Variants in PIK3AP1 observed in about 807,000 individuals in gnomAD.
PIK3AP1 encodes the protein phosphoinositide-3-kinase adaptor protein 1, also known as phosphoinositide 3-kinase adapter protein 1.
In PIK3AP1, 21 loss-of-function variants were observed where a neutral mutation model predicts 88.1. That is an observed-to-expected ratio of 0.24 (90% CI 0.17 to 0.34). The LOEUF (loss-of-function observed/expected upper bound fraction) is 0.34, where lower values mean the gene tolerates loss of function less well. Ranked by LOEUF, PIK3AP1 falls within the 10% of genes least tolerant of loss-of-function variation. The pLI, the probability that PIK3AP1 is intolerant of heterozygous loss-of-function variation, is 1.00. For missense variants in PIK3AP1, 828 were observed against 1,035.7 expected (o/e 0.80, Z 2.75); for synonymous variants, 398 against 400.0 (o/e 1.00, Z 0.06).
At chr10:96,620,801 A>T in intron 11 of PIK3AP1, 1 of 463,188 alleles carries the variant, frequency 2.2e-6, no homozygotes, top group Non-Finnish European at 3.9e-6. Flanking sequence ...AAATCTGCTG[A>T]CTCTCCCAAG....
At chr10:96,697,572 T>A (rs891012074) in intron 2 of PIK3AP1, among the ~76,000 whole-genome samples, 1 of 152,094 alleles carries the variant, frequency 6.6e-6, no homozygotes, top group African/African-American at 2.4e-5. Flanking sequence ...AATAAATTTT[T>A]TTTTTAATTA....
intron 2 of PIK3AP1, among the ~76,000 whole-genome samples, chr10:96,673,956 G>A (rs942491585): frequency 6.6e-6 from 1 of 152,118 alleles, no homozygotes; most frequent in Non-Finnish European, 1.5e-5. Flanking sequence ...GGAACTGGCT[G>A]GTCAGTTTCA....
intron 1 of PIK3AP1, among the ~76,000 whole-genome samples, chr10:96,717,286 G>A (rs1048116712): frequency 6.7e-6 from 1 of 150,232 alleles, no homozygotes; most frequent in African/African-American, 2.4e-5. Flanking sequence ...ACTCACTGGA[G>A]AGAAGTACAG....
At chr10:96,717,110 T>TA (rs1844511806) in intron 1 of PIK3AP1, among the ~76,000 whole-genome samples, 1 of 151,834 alleles carries the variant, frequency 6.6e-6, no homozygotes, top group Non-Finnish European at 1.5e-5. Flanking sequence ...ATACAAAAAT[T>TA]AGCTGAGTAT....
Position 96,593,893 on chromosome 10 carries a change from G to C in PIK3AP1, c.*1684C>G, listed in dbSNP as rs1212344182. On this transcript the variant is annotated 3_prime_UTR_variant, in exon 17 of 17. Coordinates refer to ENST00000339364, the MANE Select transcript of PIK3AP1 (RefSeq NM_152309.3). ...TATGAGTCCTTACTTGCAGGACTGA[G>C]GAATGAAATTGAGAAAGAACCTTTA... The C allele has an allele frequency of 1.3e-5, 2 of 152,270 alleles. No homozygotes were observed. The highest frequency in any genetic ancestry group is 2.1e-4 in the South Asian group (1 of 4,820). 9.4% of individuals were successfully genotyped at this position (152,270 alleles called of 1,614,324 possible).
chr10:96,700,835 A>G (rs1421184621), intron 2 of PIK3AP1: 1 of 985,506 alleles, frequency 1.0e-6, no homozygotes, highest in Non-Finnish European at 1.2e-6. Context: ...AGCAGAGCGC[A>G]GCAACTTCCC....
At chr10:96,626,995 T>A in intron 9 of PIK3AP1, 90 bp from the exon 10 acceptor site, 1 of 1,252,984 alleles carries the variant, frequency 8.0e-7, no homozygotes. Context: ...CCTTACTTTG[T>A]TTCCTCAGTG....
At chr10:96,606,269 A>G (rs1344120979) in intron 14 of PIK3AP1, among the ~76,000 whole-genome samples, 2 of 151,978 alleles carry the variant, frequency 1.3e-5, no homozygotes, top group Non-Finnish European at 1.5e-5. Context: ...ACCTCCCCAC[A>G]TTCCCCCAAC....
At chr10:96,709,275 TAC>T (rs1378412992) in intron 2 of PIK3AP1, among the ~76,000 whole-genome samples, 2 of 151,838 alleles carry the variant, frequency 1.3e-5, no homozygotes, top group Non-Finnish European at 2.9e-5. Flanking sequence ...CAGCCCCAAC[TAC>T]TTTCTAGGCT....
At chr10:96,657,215 T>C (rs1417275680) in intron 2 of PIK3AP1, among the ~76,000 whole-genome samples, 1 of 151,850 alleles carries the variant, frequency 6.6e-6, no homozygotes, top group Non-Finnish European at 1.5e-5. Flanking sequence ...AACCAATGGG[T>C]TTCCGGAAGC....
intron 8 of PIK3AP1, among the ~76,000 whole-genome samples, chr10:96,640,807 G>T (rs1364153840): frequency 6.6e-6 from 1 of 151,770 alleles, no homozygotes; most frequent in Non-Finnish European, 1.5e-5. Flanking sequence ...ACAGGCATGT[G>T]CCACCACGCC....
intron 8 of PIK3AP1, among the ~76,000 whole-genome samples, chr10:96,640,326 G>C (rs1228954056): frequency 6.7e-6 from 1 of 150,158 alleles, no homozygotes; most frequent in Non-Finnish European, 1.5e-5. Context: ...CCACAAAGCA[G>C]ATTACCCTGG....
chr10:96,599,489 G>A (rs190125441), intron 16 of PIK3AP1, among the ~76,000 whole-genome samples: 11 of 152,298 alleles, frequency 7.2e-5, no homozygotes, highest in African/African-American at 2.4e-4. Flanking sequence ...GCAAGGACCA[G>A]AACCGGGATG....
intron 1 of PIK3AP1, among the ~76,000 whole-genome samples, chr10:96,717,387 G>GA (rs1263425698): frequency 2.6e-5 from 4 of 152,024 alleles, no homozygotes; most frequent in African/African-American, 9.7e-5. Flanking sequence ...ATCCATCCTG[G>GA]AGCCCCATGT....
intron 2 of PIK3AP1, among the ~76,000 whole-genome samples, chr10:96,704,718 C>T (rs1844340414): frequency 7.0e-6 from 1 of 143,174 alleles, no homozygotes; most frequent in South Asian, 2.2e-4. Flanking sequence ...GACTCTATCT[C>T]AAAAAGAAAA....
chr10:96,643,956 C>T (rs1422909189), intron 8 of PIK3AP1, among the ~76,000 whole-genome samples: 1 of 152,224 alleles, frequency 6.6e-6, no homozygotes, highest in Admixed American at 6.5e-5. Context: ...AGGGCTAAGT[C>T]TCCGGTGGTG....
intron 8 of PIK3AP1, among the ~76,000 whole-genome samples, chr10:96,643,193 G>A (rs1202307040): frequency 6.6e-6 from 1 of 152,180 alleles, no homozygotes; most frequent in Non-Finnish European, 1.5e-5. Flanking sequence ...CCAATATCTG[G>A]AGCTGCAGAT....
chr10:96,597,404 A>T (rs1281361629), intron 16 of PIK3AP1, among the ~76,000 whole-genome samples: 1 of 142,638 alleles, frequency 7.0e-6, no homozygotes, highest in Non-Finnish European at 1.5e-5. Context: ...TTCAACAAAC[A>T]CTAATTTACT....
chr10:96,709,697 C>T lies in PIK3AP1; in HGVS notation c.300G>A (p.Arg100=). The change falls in exon 2 of 17, where the codon AGG becomes AGA. Residue 100 remains arginine, a synonymous_variant. Coordinates refer to ENST00000339364, the MANE Select transcript of PIK3AP1 (RefSeq NM_152309.3). The part of the protein sequence containing the change: ...RAFHPPHRVV[R]LLCGVRDSEE... ...CGCTGTCCCGCACGCCGCAGAGCAG[C>T]CTGACCACGCGGTGCGGAGGATGGA... 6.2e-7 allele frequency: 1 copy of T among 1,614,264 alleles called. No individual in the cohort carries two copies. The highest frequency in any genetic ancestry group is 8.5e-7 in the Non-Finnish European group (1 of 1,180,054).
Sources: gnomAD v4.1 joint callset for allele counts (sites outside exome capture counted in the v4.1 genomes callset) on GRCh38, gnomAD v4.1.1 for gene constraint, MANE v1.5 for transcripts, NCBI Gene and HGNC (gene_info 2026-07-23, HGNC 2026-07-21) for gene names.